Variants in CEP112 observed in about 807,000 individuals in gnomAD.
The protein encoded by CEP112 is centrosomal protein of 112 kDa.
In CEP112, 127 loss-of-function variants were observed where a neutral mutation model predicts 153.0. The observed-to-expected ratio is 0.83, with a 90% CI of 0.72 to 0.96. CEP112 has a LOEUF of 0.96. CEP112 is among the 40% of genes least tolerant of loss of function. The pLI, the probability that CEP112 is intolerant of heterozygous loss-of-function variation, is 0.00. For synonymous variants in CEP112, 358 were observed against 374.4 expected (o/e 0.96, Z 0.51); for missense variants, 1,089 against 1,101.2 (o/e 0.99, Z 0.16).
chr17:65,878,859 A>G (rs2058948234), intron 20 of CEP112, among the ~76,000 whole-genome samples: 1 of 152,110 alleles, frequency 6.6e-6, no homozygotes, highest in Non-Finnish European at 1.5e-5. Flanking sequence ...GGAATGAACA[A>G]TCTGGGAAAA....
intron 16 of CEP112, among the ~76,000 whole-genome samples, chr17:66,023,567 G>A (rs1315419079): frequency 6.6e-6 from 1 of 152,030 alleles, no homozygotes; most frequent in Non-Finnish European, 1.5e-5. Flanking sequence ...AATGCTCAAA[G>A]GAGTTCTAAA....
chr17:65,668,776 A>T (rs1232520279), intron 24 of CEP112, among the ~76,000 whole-genome samples: 2 of 152,212 alleles, frequency 1.3e-5, no homozygotes, highest in African/African-American at 4.8e-5. Context: ...GGAAGAGTTC[A>T]TTCCACCCTT....
chr17:65,829,634 G>A (rs750798056), intron 21 of CEP112, among the ~76,000 whole-genome samples: 1 of 152,164 alleles, frequency 6.6e-6, no homozygotes, highest in African/African-American at 2.4e-5. Context: ...CAGAAAGGCT[G>A]CTTGGAATAT....
chr17:65,718,812 T>C (rs1280731914), intron 23 of CEP112, among the ~76,000 whole-genome samples: 2 of 152,206 alleles, frequency 1.3e-5, no homozygotes, highest in Admixed American at 1.3e-4. Context: ...AAAGTGTTCT[T>C]ATCTTGGGGT....
intron 10 of CEP112, among the ~76,000 whole-genome samples, chr17:66,065,987 C>T: frequency 6.6e-6 from 1 of 152,152 alleles, no homozygotes; most frequent in East Asian, 1.9e-4. Context: ...GAGAAGTACC[C>T]TTCCTACAAC....
At chr17:66,027,940 A>G (rs532126259) in intron 15 of CEP112, among the ~76,000 whole-genome samples, 1 of 149,162 alleles carries the variant, frequency 6.7e-6, no homozygotes, top group South Asian at 2.2e-4. Context: ...AAGGTGCAAA[A>G]GAGAGAGACA....
At chr17:66,095,311 C>T (rs1351539902) in intron 8 of CEP112, among the ~76,000 whole-genome samples, 1 of 152,032 alleles carries the variant, frequency 6.6e-6, no homozygotes, top group Non-Finnish European at 1.5e-5. Flanking sequence ...CATACACACA[C>T]ACACACAATG....
Position 65,831,255 on chromosome 17 carries a change from T to G in CEP112, c.2394+20549A>C, listed in dbSNP as rs367747058. On this transcript the variant is annotated intron_variant, in intron 21 of 26. Coordinates refer to ENST00000535342, the MANE Select transcript of CEP112 (RefSeq NM_001199165.4). Reference sequence around the variant, plus strand: ...TATCAGAGAATTCAGAATAATACTTTCAAAGAATTTCAGAAAATCAGGCCA... The same window carrying G: ...TATCAGAGAATTCAGAATAATACTTGCAAAGAATTTCAGAAAATCAGGCCA... Among the ~76,000 whole-genome samples, 14 of 152,272 alleles carry G rather than the reference T, an allele frequency of 9.2e-5. No homozygotes were observed. In the East Asian group the frequency reaches 1.2e-3, roughly 13 times the overall value.
In CEP112 at chr17:66,121,190, C is replaced by T. The variant is rs1052166695; in HGVS notation, c.642+8556G>A. 4.6e-5 allele frequency among the ~76,000 whole-genome samples: 7 copies of T among 151,844 alleles called. No homozygotes were observed. The South Asian group carries it at 1.0e-3, about 22-fold the overall frequency. On this transcript the variant is annotated intron_variant, in intron 6 of 26. Coordinates refer to ENST00000535342, the MANE Select transcript of CEP112 (RefSeq NM_001199165.4). ...ACTTGGGAGGCTGAGGCAGGAGAAT[C>T]GCTTGAACCTGGGAGGCAGAAGTTG...
intron 22 of CEP112, among the ~76,000 whole-genome samples, chr17:65,748,235 T>C (rs945429462): frequency 6.6e-6 from 1 of 152,244 alleles, no homozygotes; most frequent in Non-Finnish European, 1.5e-5. Context: ...CTAACTTTTA[T>C]GAGAAGGATG....
chr17:65,689,250 TAATTAGCACACTTGGAAAA>T (rs1225744713), intron 23 of CEP112, 32 bp from the exon 24 acceptor site: 1 of 1,478,980 alleles, frequency 6.8e-7, no homozygotes, highest in Non-Finnish European at 9.4e-7. Flanking sequence ...ATATCATTAA[TAATTAGCACACTTGGAAAA>T]ATAGTTCTAC....
chr17:65,983,397 T>C (rs1013528786), intron 17 of CEP112, among the ~76,000 whole-genome samples: 1 of 152,200 alleles, frequency 6.6e-6, no homozygotes, highest in Non-Finnish European at 1.5e-5. Flanking sequence ...TAGTCTTTTA[T>C]ATAGTTGGGA....
chr17:65,972,722 AG>A (rs1350103458), intron 17 of CEP112, among the ~76,000 whole-genome samples: 1 of 152,230 alleles, frequency 6.6e-6, no homozygotes, highest in Non-Finnish European at 1.5e-5. Flanking sequence ...ATGTGTTAAA[AG>A]GACAAGAAAC....
chr17:65,931,727 T>G (rs1015546274), intron 18 of CEP112, among the ~76,000 whole-genome samples: 3 of 152,196 alleles, frequency 2.0e-5, no homozygotes, highest in Non-Finnish European at 4.4e-5. Flanking sequence ...CCTCAGAGCT[T>G]GGCATACTTC....
chr17:66,018,955 C>A (rs572265156), intron 16 of CEP112, among the ~76,000 whole-genome samples: 25 of 152,290 alleles, frequency 1.6e-4, no homozygotes, highest in African/African-American at 6.0e-4. Context: ...CCTTGCTAGT[C>A]AAATCATTTA....
chr17:66,180,092 A>G (rs1447811126), intron 2 of CEP112, among the ~76,000 whole-genome samples: 1 of 151,974 alleles, frequency 6.6e-6, no homozygotes, highest in African/African-American at 2.4e-5. Flanking sequence ...GCTTGCAAGT[A>G]TTTTGCTGAG....
At chr17:65,683,166 C>T (rs1052507222) in intron 24 of CEP112, among the ~76,000 whole-genome samples, 3 of 152,154 alleles carry the variant, frequency 2.0e-5, no homozygotes, top group Non-Finnish European at 4.4e-5. Flanking sequence ...GAACCTCTTT[C>T]CCCACCCTGC....
chr17:66,045,236 A>AT (rs1418548703), intron 12 of CEP112, among the ~76,000 whole-genome samples: 1 of 151,882 alleles, frequency 6.6e-6, no homozygotes, highest in African/African-American at 2.4e-5. Flanking sequence ...CGCCCGGCTA[A>AT]TTTTTTTATT....
intron 8 of CEP112, among the ~76,000 whole-genome samples, chr17:66,081,328 A>G (rs1568468999): frequency 1.3e-5 from 2 of 152,178 alleles, no homozygotes; most frequent in Non-Finnish European, 2.9e-5. Flanking sequence ...TCATCAGAAA[A>G]ATCAGAATAG....
Sources: gnomAD v4.1 joint callset for allele counts (sites outside exome capture counted in the v4.1 genomes callset) on GRCh38, gnomAD v4.1.1 for gene constraint, MANE v1.5 for transcripts, NCBI Gene and HGNC (gene_info 2026-07-23, HGNC 2026-07-21) for gene names.